PKIB: variants seen among roughly 807,000 people sequenced by gnomAD.
PKIB encodes the protein cAMP-dependent protein kinase inhibitor beta.
A neutral mutation model predicts 4.5 loss-of-function variants in PKIB; 2 were observed. The observed-to-expected ratio is 0.44, with a 90% CI of 0.18 to 1.39. The LOEUF (loss-of-function observed/expected upper bound fraction) is 1.39, where lower values mean the gene tolerates loss of function less well. PKIB is among the 40% of genes most tolerant of loss of function. The pLI, the probability that PKIB is intolerant of heterozygous loss-of-function variation, is 0.27. For missense variants in PKIB, 94 were observed against 92.6 expected (o/e 1.02, Z -0.06); for synonymous variants, 38 against 36.0 (o/e 1.06, Z -0.20).
exon 1 of PKIB, chr6:122,472,041 G>A: frequency 1.9e-6 from 1 of 517,608 alleles, no homozygotes; most frequent in Non-Finnish European, 3.2e-6. Flanking sequence ...TTAAGAAAAC[G>A]GTGTGAGCAA....
chr6:122,583,862 C>T (rs1773777030), intron 2 of PKIB, among the ~76,000 whole-genome samples: 1 of 152,096 alleles, frequency 6.6e-6, no homozygotes. Flanking sequence ...AACTGTTAGG[C>T]TTGTCAGACT....
At chr6:122,541,614 CA>C (rs1777606458) in intron 2 of PKIB, among the ~76,000 whole-genome samples, 1 of 151,922 alleles carries the variant, frequency 6.6e-6, no homozygotes, top group East Asian at 1.9e-4. Context: ...CTGCCCTTAA[CA>C]TTTTTTCCTT....
At chr6:122,606,490 C>T (rs1235768787), upstream of PKIB, among the ~76,000 whole-genome samples, 7 of 146,598 alleles carry the variant, frequency 4.8e-5, no homozygotes, top group Non-Finnish European at 8.9e-5. Flanking sequence ...GAGAATCGCT[C>T]GAACCCAGGA....
rs117078065 is a variant in PKIB at position 122,704,854 on chromosome 6, T to C, written c.-8-12933T>C. 4.9e-3 allele frequency among the ~76,000 whole-genome samples: 738 copies of C among 152,084 alleles called. 23 individuals carry two copies. In the East Asian group the frequency reaches 0.097, roughly 20 times the overall value. On this transcript the variant is annotated intron_variant, in intron 3 of 4. Transcript: ENST00000368452. ...ACTTTTGGAGGCCAAGGAGGGAGGA[T>C]CACTTGAGGCCAGAAGTTTAAGACC...
chr6:122,484,507 G>A (rs1161848587), intron 2 of PKIB, among the ~76,000 whole-genome samples: 1 of 152,066 alleles, frequency 6.6e-6, no homozygotes, highest in East Asian at 1.9e-4. Flanking sequence ...ATAGTAAGAG[G>A]AATTATTTAT....
At chr6:122,505,460 C>G (rs1169076926) in intron 2 of PKIB, among the ~76,000 whole-genome samples, 3 of 152,114 alleles carry the variant, frequency 2.0e-5, no homozygotes. Flanking sequence ...TGTCTGGTCT[C>G]TCTCCAGAGG....
intron 2 of PKIB, among the ~76,000 whole-genome samples, chr6:122,571,128 CAAG>C (rs1321792984): frequency 6.6e-6 from 1 of 151,668 alleles, no homozygotes; most frequent in African/African-American, 2.4e-5. Flanking sequence ...CAATATTAGA[CAAG>C]AACACGTAGA....
At chr6:122,539,178 TCTC>T (rs1346501736) in intron 2 of PKIB, among the ~76,000 whole-genome samples, 1 of 152,068 alleles carries the variant, frequency 6.6e-6, no homozygotes, top group Admixed American at 6.6e-5. Context: ...TTTATTTCCT[TCTC>T]CTGCCTAATT....
chr6:122,535,494 C>T (rs1777377665), intron 2 of PKIB, among the ~76,000 whole-genome samples: 1 of 152,094 alleles, frequency 6.6e-6, no homozygotes, highest in Non-Finnish European at 1.5e-5. Flanking sequence ...CATTTTGATT[C>T]TGTTGTCCTA....
intron 2 of PKIB, among the ~76,000 whole-genome samples, chr6:122,650,982 A>C (rs1027300053): frequency 2.0e-5 from 3 of 152,202 alleles, no homozygotes; most frequent in Non-Finnish European, 4.4e-5. Context: ...CTTTGAGCTA[A>C]AATACTGAAT....
rs116372291 is a variant in PKIB at position 122,661,712 on chromosome 6, T to C, written c.-75-13366T>C. On this transcript the variant is annotated intron_variant, in intron 2 of 4. Transcript: ENST00000368452. ...CTTTCATTACTTTTGGTTATATATCTAGGAGTGGAATGGCTGGATCATATG... is the reference window on the plus strand; with the variant it reads ...CTTTCATTACTTTTGGTTATATATCCAGGAGTGGAATGGCTGGATCATATG... 1.4e-3 allele frequency among the ~76,000 whole-genome samples: 217 copies of C among 152,344 alleles called. 1 individual carries two copies. The highest frequency in any genetic ancestry group is 4.8e-3 in the African/African-American group (201 of 41,582).
At chr6:122,476,295 T>A (rs1003709273) in intron 1 of PKIB, among the ~76,000 whole-genome samples, 2 of 152,156 alleles carry the variant, frequency 1.3e-5, no homozygotes, top group East Asian at 3.8e-4. Context: ...TCTGAAAGGA[T>A]AAGCCAAAAA....
intron 1 of PKIB, among the ~76,000 whole-genome samples, chr6:122,611,749 A>T (rs1443641417): frequency 6.6e-6 from 1 of 152,196 alleles, no homozygotes; most frequent in Non-Finnish European, 1.5e-5. Context: ...GATTATTAAA[A>T]TGAGAACTGA....
chr6:122,660,235 A>G (rs1234802050), intron 2 of PKIB, among the ~76,000 whole-genome samples: 2 of 152,194 alleles, frequency 1.3e-5, no homozygotes, highest in Non-Finnish European at 2.9e-5. Flanking sequence ...TATGGTCAAG[A>G]GTAAAGAAGC....
intron 2 of PKIB, among the ~76,000 whole-genome samples, chr6:122,509,285 T>C (rs1334897459): frequency 1.3e-5 from 2 of 152,190 alleles, no homozygotes; most frequent in Admixed American, 6.5e-5. Context: ...TATTAATACA[T>C]TTAACAAATT....
At chr6:122,613,038 A>G (rs1774826346) in intron 1 of PKIB, among the ~76,000 whole-genome samples, 1 of 152,218 alleles carries the variant, frequency 6.6e-6, no homozygotes, top group Admixed American at 6.5e-5. Context: ...TTTGAAAAAA[A>G]TGTCGCAATA....
At chr6:122,654,412 A>G (rs1383674869) in intron 2 of PKIB, among the ~76,000 whole-genome samples, 1 of 152,172 alleles carries the variant, frequency 6.6e-6, no homozygotes, top group African/African-American at 2.4e-5. Context: ...TTGAGTGGAG[A>G]TGAGAGTTGT....
chr6:122,629,636 C>T (rs765130243), intron 1 of PKIB, among the ~76,000 whole-genome samples: 1 of 152,150 alleles, frequency 6.6e-6, no homozygotes, highest in Non-Finnish European at 1.5e-5. Context: ...AACACTATCT[C>T]ATCAAGGTCA....
At chr6:122,523,727 G>A (rs1777015345) in intron 2 of PKIB, among the ~76,000 whole-genome samples, 1 of 151,768 alleles carries the variant, frequency 6.6e-6, no homozygotes, top group Non-Finnish European at 1.5e-5. Flanking sequence ...AGGTTGCGGT[G>A]AGCTGAGATC....
Sources: gnomAD v4.1 joint callset for allele counts (sites outside exome capture counted in the v4.1 genomes callset) on GRCh38, gnomAD v4.1.1 for gene constraint, MANE v1.5 for transcripts, NCBI Gene and HGNC (gene_info 2026-07-23, HGNC 2026-07-21) for gene names.